AGBL1: variants seen among roughly 807,000 people sequenced by gnomAD.
The protein encoded by AGBL1 is AGBL carboxypeptidase 1.
In AGBL1, 130 loss-of-function variants were observed where a neutral mutation model predicts 118.9. The observed-to-expected ratio is 1.09, with a 90% CI of 0.95 to 1.26. The LOEUF is 1.26. Among genes scored for constraint, AGBL1 ranks in the 50% most tolerant of loss-of-function variants. The probability of loss-of-function intolerance (pLI) is 0.00; values close to 1 mark genes in which losing one functional copy is unlikely to be tolerated. For missense variants in AGBL1, 1,584 were observed against 1,298.1 expected (o/e 1.22, Z -3.38); for synonymous variants, 555 against 478.9 (o/e 1.16, Z -2.08).
chr15:86,552,524 C>T (rs555910398), intron 20 of AGBL1, among the ~76,000 whole-genome samples: 1 of 152,272 alleles, frequency 6.6e-6, no homozygotes, highest in East Asian at 1.9e-4. Context: ...GACCAGCCCC[C>T]CAGGGGTCTG....
chr15:86,425,081 A>C lies in AGBL1; in HGVS notation c.2555+27535A>C, dbSNP rs1163892970. On this transcript the variant is annotated intron_variant, in intron 18 of 22. Coordinates refer to ENST00000614907, the MANE Select transcript of AGBL1 (RefSeq NM_001386094.1). ...TTATAAATCACTCTGTTATAAAGAC[A>C]CGTGCACACATATGTTTACTGCAGC... 3.3e-5 allele frequency among the ~76,000 whole-genome samples: 5 copies of C among 152,238 alleles called. No individual in the cohort carries two copies. In the South Asian group the frequency reaches 1.0e-3, roughly 31 times the overall value.
In AGBL1 at chr15:86,674,275, T is replaced by G. The variant is rs1209341562; in HGVS notation, c.2997T>G (p.Gly999=). The G allele has an allele frequency of 1.2e-6, 2 of 1,609,092 alleles. No individual in the cohort carries two copies. The highest frequency in any genetic ancestry group is 1.3e-5 in the African/African-American group (1 of 74,870). The change falls in exon 22 of 23, where the codon GGT becomes GGG. Residue 999 remains glycine (G), a splice_region_variant and synonymous_variant. Coordinates refer to ENST00000614907, the MANE Select transcript of AGBL1 (RefSeq NM_001386094.1). ...TTAATGCTTTGTTTAACTGGCAGGG[T>G]CTACAGTTTGGTACCAGAGAACTGG... is the stretch of plus-strand genomic sequence containing the variant. ...YCGCNQGPYQ[G]LQFGTRELEE...
intron 9 of AGBL1, among the ~76,000 whole-genome samples, chr15:86,258,515 G>T (rs189520637): frequency 1.3e-5 from 2 of 152,148 alleles, no homozygotes; most frequent in Non-Finnish European, 2.9e-5. Context: ...GCAGAGAAGT[G>T]TTGCTCTTTG....
chr15:86,763,252 C>T (rs892519197), intron 22 of AGBL1, among the ~76,000 whole-genome samples: 1 of 151,876 alleles, frequency 6.6e-6, no homozygotes, highest in African/African-American at 2.4e-5. Context: ...GAAGATGGCT[C>T]ATGTAGGCAA....
intron 5 of AGBL1, among the ~76,000 whole-genome samples, chr15:86,208,787 T>G (rs777760419): frequency 5.3e-5 from 8 of 152,192 alleles, no homozygotes; most frequent in Non-Finnish European, 8.8e-5. Flanking sequence ...GATTCATTGA[T>G]TTTTTGAAGG....
intron 21 of AGBL1, among the ~76,000 whole-genome samples, chr15:86,646,516 G>C (rs1255261900): frequency 1.3e-5 from 2 of 152,158 alleles, no homozygotes; most frequent in Admixed American, 1.3e-4. Context: ...TAACCTGAGA[G>C]GAAAGGGATG....
chr15:86,092,837 C>T (rs1364317873), intron 1 of AGBL1, among the ~76,000 whole-genome samples: 3 of 151,956 alleles, frequency 2.0e-5, no homozygotes, highest in African/African-American at 4.8e-5. Context: ...AAACTCACTC[C>T]CGAGATAATA....
At chr15:87,026,832 C>T (rs140256841) in intron 24 of AGBL1, among the ~76,000 whole-genome samples, 4,377 of 152,074 alleles carry the variant, frequency 0.029, 87 homozygotes, top group Middle Eastern at 0.058. Flanking sequence ...TATTGGCATT[C>T]GCAGCAACCT....
At chr15:86,408,214 G>A (rs1268092723) in intron 18 of AGBL1, among the ~76,000 whole-genome samples, 1 of 152,150 alleles carries the variant, frequency 6.6e-6, no homozygotes, top group African/African-American at 2.4e-5. Flanking sequence ...ATGTTCTGTG[G>A]CCTCTGGGAA....
chr15:86,704,754 C>T (rs1473214161), intron 22 of AGBL1, among the ~76,000 whole-genome samples: 3 of 152,236 alleles, frequency 2.0e-5, no homozygotes, highest in East Asian at 1.9e-4. Context: ...ACCAGAAATA[C>T]CATTTGACCC....
chr15:86,927,323 T>C (rs1250618985), intron 23 of AGBL1, among the ~76,000 whole-genome samples: 2 of 151,692 alleles, frequency 1.3e-5, no homozygotes, highest in African/African-American at 4.8e-5. Flanking sequence ...GTGTGGTGGC[T>C]TGTTCCTGGA....
intron 18 of AGBL1, among the ~76,000 whole-genome samples, chr15:86,490,155 A>G (rs1056273116): frequency 6.6e-6 from 1 of 151,984 alleles, no homozygotes; most frequent in African/African-American, 2.4e-5. Flanking sequence ...CTTATCTCGT[A>G]CTTTCTGTTA....
At chr15:86,971,766 A>G (rs921707509) in intron 23 of AGBL1, among the ~76,000 whole-genome samples, 1 of 151,914 alleles carries the variant, frequency 6.6e-6, no homozygotes. Flanking sequence ...TGTCCCCACC[A>G]AAATCTCATC....
intron 6 of AGBL1, among the ~76,000 whole-genome samples, chr15:86,246,681 T>G (rs937538837): frequency 2.5e-4 from 37 of 147,774 alleles, no homozygotes; most frequent in African/African-American, 9.4e-4. Flanking sequence ...ATGACTGGGT[T>G]TCAAGCAACT....
rs79066718 is a variant in AGBL1 at position 86,706,589 on chromosome 15, C to G, written c.3158+32153C>G. On this transcript the variant is annotated intron_variant, in intron 22 of 22. Coordinates refer to ENST00000614907, the MANE Select transcript of AGBL1 (RefSeq NM_001386094.1). The stretch of plus-strand genomic sequence containing the variant: ...GCAACATGCTAGTAATCACAATTCC[C>G]TAAGGCTCGCGATTTGTTTTATAAG... Among the ~76,000 whole-genome samples, 750 of 152,168 alleles carry G rather than the reference C, an allele frequency of 4.9e-3. 5 individuals are homozygous for G. Among genetic ancestry groups the G allele is most frequent in the African/African-American group, 0.017 (717 of 41,538 alleles).
intron 22 of AGBL1, among the ~76,000 whole-genome samples, chr15:86,737,070 C>T (rs1332142901): frequency 6.6e-6 from 1 of 152,124 alleles, no homozygotes; most frequent in Non-Finnish European, 1.5e-5. Context: ...GTAGAAGACA[C>T]TGTGTTTGTG....
In AGBL1 at chr15:86,154,412, A is replaced by AT; in HGVS notation, c.263-16dup. The stretch of plus-strand genomic sequence containing the variant: ...TCAATGTGAAGTGCAACTAAGATAG[A>AT]TTGATTTGTGTTCTTAGATAAAAAG... On this transcript the variant is annotated splice_polypyrimidine_tract_variant and intron_variant, in intron 3 of 22. Coordinates refer to ENST00000614907, the MANE Select transcript of AGBL1 (RefSeq NM_001386094.1). 1 of 1,609,098 alleles carries AT rather than the reference A, an allele frequency of 6.2e-7. No individual in the cohort carries two copies. Among genetic ancestry groups the AT allele is most frequent in the Non-Finnish European group, 8.5e-7 (1 of 1,177,614 alleles).
intron 4 of AGBL1, 90 bp downstream of exon 4, chr15:86,154,651 GC>G (rs1479654583): frequency 6.3e-6 from 9 of 1,435,360 alleles, no homozygotes; most frequent in Admixed American, 4.8e-5. Flanking sequence ...TGGAAGAAAA[GC>G]ATGGGTGAGA....
chr15:86,080,870 G>T (rs936590013), intron 1 of AGBL1, among the ~76,000 whole-genome samples: 2 of 150,580 alleles, frequency 1.3e-5, no homozygotes, highest in Non-Finnish European at 3.0e-5. Context: ...GGCCCAAGGG[G>T]TCTTCTACCC....
Sources: gnomAD v4.1 joint callset for allele counts (sites outside exome capture counted in the v4.1 genomes callset) on GRCh38, gnomAD v4.1.1 for gene constraint, MANE v1.5 for transcripts, NCBI Gene and HGNC (gene_info 2026-07-23, HGNC 2026-07-21) for gene names.